The following EDIL3 variants were observed in gnomAD, a reference collection of about 807,000 sequenced individuals.
The protein encoded by EDIL3 is EGF-like repeat and discoidin I-like domain-containing protein 3.
EDIL3 carries 37 observed loss-of-function variants against 67.4 expected under a neutral mutation model. That is an observed-to-expected ratio of 0.55 (90% CI 0.42 to 0.72). The LOEUF is 0.72. EDIL3 is among the 30% of genes least tolerant of loss of function. EDIL3 has a pLI of 0.00. For missense variants in EDIL3, 527 were observed against 586.3 expected (o/e 0.90, Z 1.04); for synonymous variants, 195 against 196.3 (o/e 0.99, Z 0.05).
At chr5:84,324,770 A>G (rs1465015827) in intron 1 of EDIL3, among the ~76,000 whole-genome samples, 2 of 151,900 alleles carry the variant, frequency 1.3e-5, no homozygotes, top group Non-Finnish European at 2.9e-5. Context: ...ATGAGACTAT[A>G]GTTAAGAATT....
At chr5:84,207,353 CT>C (rs1466712739) in intron 3 of EDIL3, among the ~76,000 whole-genome samples, 1 of 152,078 alleles carries the variant, frequency 6.6e-6, no homozygotes, top group African/African-American at 2.4e-5. Context: ...CGTGAAGGAC[CT>C]CTTCAAGGAG....
At chr5:84,302,732 T>C (rs1170198951) in intron 1 of EDIL3, among the ~76,000 whole-genome samples, 1 of 152,218 alleles carries the variant, frequency 6.6e-6, no homozygotes, top group Non-Finnish European at 1.5e-5. Context: ...TATTAAATGT[T>C]TTCTTTCCAG....
intron 3 of EDIL3, among the ~76,000 whole-genome samples, chr5:84,194,343 A>T (rs1419465508): frequency 5.3e-5 from 8 of 151,914 alleles, no homozygotes; most frequent in Non-Finnish European, 7.4e-5. Context: ...TTCCTGTAAG[A>T]TCAATCTGAC....
At chr5:84,082,937 T>C (rs1746997608) in intron 6 of EDIL3, among the ~76,000 whole-genome samples, 1 of 152,168 alleles carries the variant, frequency 6.6e-6, no homozygotes, top group Non-Finnish European at 1.5e-5. Flanking sequence ...ACCTACACTG[T>C]CAATATTCCG....
intron 9 of EDIL3, among the ~76,000 whole-genome samples, chr5:84,050,797 G>A (rs1353209745): frequency 2.0e-5 from 3 of 152,206 alleles, no homozygotes; most frequent in African/African-American, 7.2e-5. Flanking sequence ...GGCTTGAGAA[G>A]GTAAACAAAG....
intron 1 of EDIL3, among the ~76,000 whole-genome samples, chr5:84,370,786 T>G (rs1433316419): frequency 6.6e-6 from 1 of 152,206 alleles, no homozygotes; most frequent in Non-Finnish European, 1.5e-5. Context: ...ATGTACCATT[T>G]GTACCATGAT....
rs1385437021 is a variant in EDIL3, at chr5:83,986,901, A to C, written c.1138-23541T>G. Among the ~76,000 whole-genome samples the C allele has an allele frequency of 3.9e-5, 6 of 152,248 alleles. No homozygotes were observed. The South Asian group carries it at 1.2e-3, about 32-fold the overall frequency. On this transcript the variant is annotated intron_variant, in intron 9 of 10. Transcript: ENST00000296591. The stretch of plus-strand genomic sequence containing the variant: ...TGTGGCTGGAGCACACAAGAGAATA[A>C]CCATGGGAGCAGGAGGCTGGAATGG...
chr5:84,065,500 T>A (rs1746623106), intron 7 of EDIL3, among the ~76,000 whole-genome samples: 1 of 152,048 alleles, frequency 6.6e-6, no homozygotes. Flanking sequence ...TTAAATTCAT[T>A]TAAGGGGGTA....
rs919584938 is a variant in EDIL3 at position 84,345,925 on chromosome 5, CACA to C, written c.67+38380_67+38382del. On this transcript the variant is annotated intron_variant, in intron 1 of 10. Coordinates refer to ENST00000296591, the MANE Select transcript of EDIL3 (RefSeq NM_005711.5). The stretch of plus-strand genomic sequence containing the variant: ...CTCACTCAGTAGATCCCTATGAAAA[CACA>C]ACAATGTTTTCCAAACTACTGAAGC... 3.9e-5 allele frequency among the ~76,000 whole-genome samples: 6 copies of C among 152,142 alleles called. No individual in the cohort carries two copies. The South Asian group carries it at 6.2e-4, about 16-fold the overall frequency.
At chr5:84,052,953 T>C (rs1461942233) in intron 9 of EDIL3, among the ~76,000 whole-genome samples, 1 of 152,122 alleles carries the variant, frequency 6.6e-6, no homozygotes, top group African/African-American at 2.4e-5. Context: ...CTGCACCAAG[T>C]GGACCTAATA....
intron 9 of EDIL3, among the ~76,000 whole-genome samples, chr5:83,973,166 T>C (rs1326077592): frequency 6.6e-6 from 1 of 152,062 alleles, no homozygotes; most frequent in Non-Finnish European, 1.5e-5. Context: ...TATTTGCCTT[T>C]CAAGCCTGAT....
chr5:84,212,979 GAAAC>G (rs754125326), intron 3 of EDIL3, among the ~76,000 whole-genome samples: 9 of 145,050 alleles, frequency 6.2e-5, no homozygotes, highest in Non-Finnish European at 1.2e-4. Context: ...GTCATTTGGT[GAAAC>G]AAACAGAGAA....
intron 9 of EDIL3, among the ~76,000 whole-genome samples, chr5:84,018,689 T>C (rs575268470): frequency 1.5e-4 from 23 of 152,124 alleles, no homozygotes; most frequent in Non-Finnish European, 3.1e-4. Flanking sequence ...GGCCTGCCTT[T>C]CTCTACTCCT....
chr5:84,091,305 A>G (rs1452022389), intron 6 of EDIL3, among the ~76,000 whole-genome samples: 1 of 152,268 alleles, frequency 6.6e-6, no homozygotes, highest in Non-Finnish European at 1.5e-5. Context: ...CATGCAGAGC[A>G]GTTGAAACTG....
intron 4 of EDIL3, among the ~76,000 whole-genome samples, chr5:84,144,664 T>C (rs1481897271): frequency 2.6e-5 from 4 of 152,130 alleles, no homozygotes; most frequent in Non-Finnish European, 5.9e-5. Context: ...ATCAGTTGTC[T>C]GCAGATCTAA....
chr5:83,978,158 G>C (rs1190294991), intron 9 of EDIL3, among the ~76,000 whole-genome samples: 1 of 151,876 alleles, frequency 6.6e-6, no homozygotes, highest in Non-Finnish European at 1.5e-5. Flanking sequence ...GTTTAGCAAG[G>C]TTAGTTGATA....
intron 1 of EDIL3, among the ~76,000 whole-genome samples, chr5:84,308,843 A>G (rs572837253): frequency 6.6e-6 from 1 of 152,196 alleles, no homozygotes; most frequent in Non-Finnish European, 1.5e-5. Flanking sequence ...TTACAGCAGT[A>G]TATTTTTCAA....
chr5:84,331,353 C>T (rs948548910), intron 1 of EDIL3, among the ~76,000 whole-genome samples: 2 of 152,138 alleles, frequency 1.3e-5, no homozygotes, highest in African/African-American at 4.8e-5. Context: ...ACCCGAATTT[C>T]ATCTTGAACT....
At chr5:84,258,625 C>T (rs946144900) in intron 1 of EDIL3, among the ~76,000 whole-genome samples, 9 of 152,118 alleles carry the variant, frequency 5.9e-5, no homozygotes, top group East Asian at 1.9e-4. Flanking sequence ...TGCACCTCCA[C>T]GGGGACCCAC....
Sources: allele counts gnomAD v4.1 joint callset (sites outside exome capture counted in the v4.1 genomes callset), GRCh38; gene constraint gnomAD v4.1.1; transcripts MANE v1.5; gene names NCBI Gene and HGNC (gene_info 2026-07-23, HGNC 2026-07-21).